The following FAF2 variants were observed in gnomAD, a reference collection of about 807,000 sequenced individuals.
FAF2 encodes FAS-associated factor 2.
FAF2 carries 9 observed loss-of-function variants against 62.3 expected under a neutral mutation model. The ratio of observed to expected loss-of-function variants is 0.14; its 90% confidence interval spans 0.09 to 0.25. The LOEUF (loss-of-function observed/expected upper bound fraction) is 0.25, where lower values mean the gene tolerates loss of function less well. Among genes scored for constraint, FAF2 ranks in the 10% least tolerant of loss-of-function variants. FAF2 has a pLI of 1.00. For missense variants in FAF2, 368 were observed against 556.2 expected, an observed-to-expected ratio of 0.66 and a Z score of 3.40; for synonymous variants, 202 against 198.0, an observed-to-expected ratio of 1.02 and a Z score of -0.17.
intron 2 of FAF2, among the ~76,000 whole-genome samples, chr5:176,484,288 A>C (rs1370243392): frequency 2.0e-5 from 3 of 152,172 alleles, no homozygotes; most frequent in African/African-American, 7.2e-5. Flanking sequence ...TATTAAGTGG[A>C]AGATTCCAGA....
rs1175238434 is a variant in FAF2 at position 176,499,991 on chromosome 5, G to C, written c.1012-12G>C. The C allele has an allele frequency of 1.8e-5, 29 of 1,613,790 alleles. No homozygotes were observed. The highest frequency in any genetic ancestry group is 2.4e-5 in the Non-Finnish European group (28 of 1,179,864). On this transcript the variant is annotated splice_polypyrimidine_tract_variant and intron_variant, in intron 9 of 10. Transcript: ENST00000261942. ...TGAGCTGTAGCCTCACCTTTGCTTT[G>C]TGTCTCTGCAGAATTTACAGGAGGA...
chr5:176,498,159 A>G (rs1755530881), intron 8 of FAF2, among the ~76,000 whole-genome samples: 1 of 152,196 alleles, frequency 6.6e-6, no homozygotes, highest in Non-Finnish European at 1.5e-5. Flanking sequence ...CAAGATCAAA[A>G]TCCTGTAAAT....
chr5:176,489,329 A>G (rs1213310390), intron 4 of FAF2, among the ~76,000 whole-genome samples: 1 of 128,806 alleles, frequency 7.8e-6, no homozygotes, highest in Admixed American at 8.4e-5. Context: ...TACACTTCCT[A>G]GTTGATGTCC....
chr5:176,480,880 C>G, intron 2 of FAF2, among the ~76,000 whole-genome samples: 1 of 151,846 alleles, frequency 6.6e-6, no homozygotes, highest in East Asian at 1.9e-4. Flanking sequence ...ATGGGTGCAG[C>G]AAACCACCAT....
At position 176,448,399 on chromosome 5, in the gene FAF2, G is replaced by A. The variant is rs1183926930; in HGVS notation, c.-9G>A. On this transcript the variant is annotated 5_prime_UTR_variant, in exon 1 of 11. Transcript: ENST00000261942. The stretch of plus-strand genomic sequence containing the variant: ...GCGGACGGGTCAGGAGCGTAGAGGC[G>A]GCGGCAAAATGGCGGCGCCTGAGGA... The A allele has an allele frequency of 6.2e-7, 1 of 1,604,326 alleles. No individual in the cohort carries two copies. The highest frequency in any genetic ancestry group is 1.7e-5 in the Admixed American group (1 of 58,378).
chr5:176,485,197 G>A (rs926986360), intron 2 of FAF2, among the ~76,000 whole-genome samples: 1 of 152,200 alleles, frequency 6.6e-6, no homozygotes, highest in Non-Finnish European at 1.5e-5. Context: ...ACATATCCCT[G>A]TGGATAAGAA....
chr5:176,498,285 A>G (rs1471393863), intron 8 of FAF2, among the ~76,000 whole-genome samples: 1 of 152,248 alleles, frequency 6.6e-6, no homozygotes, highest in Non-Finnish European at 1.5e-5. Flanking sequence ...ATCAAAATTC[A>G]TTGAATTGTA....
At chr5:176,478,364 A>C (rs1014160257) in intron 1 of FAF2, among the ~76,000 whole-genome samples, 3 of 152,164 alleles carry the variant, frequency 2.0e-5, no homozygotes, top group Admixed American at 6.6e-5. Flanking sequence ...CTGCAGTGCC[A>C]GCTACTCAGG....
intron 3 of FAF2, among the ~76,000 whole-genome samples, chr5:176,487,321 C>A (rs1044868161): frequency 2.0e-5 from 3 of 151,986 alleles, no homozygotes; most frequent in Non-Finnish European, 4.4e-5. Flanking sequence ...GTAGCTGGGA[C>A]TACAGGTGTG....
intron 5 of FAF2, 65 bp from the exon 6 acceptor site, chr5:176,493,934 C>G: frequency 2.7e-6 from 3 of 1,118,396 alleles, no homozygotes; most frequent in Non-Finnish European, 4.0e-6. Flanking sequence ...CATTAGGACC[C>G]TTAGCTTAAA....
intron 1 of FAF2, among the ~76,000 whole-genome samples, chr5:176,457,026 G>A (rs912725255): frequency 6.6e-6 from 1 of 151,992 alleles, no homozygotes; most frequent in East Asian, 1.9e-4. Context: ...TTCAGAGTGG[G>A]CTGGGCATCG....
At chr5:176,478,794 A>G (rs1758743402) in intron 1 of FAF2, among the ~76,000 whole-genome samples, 1 of 152,192 alleles carries the variant, frequency 6.6e-6, no homozygotes, top group South Asian at 2.1e-4. Context: ...GTTTCAAAAA[A>G]TGTTGGAGCA....
chr5:176,469,136 T>A (rs1160001785), intron 1 of FAF2, among the ~76,000 whole-genome samples: 1 of 152,008 alleles, frequency 6.6e-6, no homozygotes, highest in African/African-American at 2.4e-5. Flanking sequence ...TCCCAGCTAC[T>A]CGGGAGGCTG....
rs557441120 is a variant in FAF2, at chr5:176,481,396, G to A, written c.132+2140G>A. Among the ~76,000 whole-genome samples the A allele has an allele frequency of 9.2e-5, 14 of 152,114 alleles. No homozygotes were observed. The East Asian group carries it at 1.8e-3, about 19-fold the overall frequency. ...GGTTGGGCCGGGCGCGGTGGCTCAC[G>A]CCTGTAATCCCAGCACTTTGGGAGG... is the stretch of plus-strand genomic sequence containing the variant. On this transcript the variant is annotated intron_variant, in intron 2 of 10. Coordinates refer to ENST00000261942, the MANE Select transcript of FAF2 (RefSeq NM_014613.3).
At chr5:176,484,098 G>C (rs1444012840) in intron 2 of FAF2, among the ~76,000 whole-genome samples, 1 of 151,902 alleles carries the variant, frequency 6.6e-6, no homozygotes, top group South Asian at 2.1e-4. Flanking sequence ...AAGAAAAAAA[G>C]GGGGCAGAGT....
intron 2 of FAF2, among the ~76,000 whole-genome samples, chr5:176,482,126 A>T (rs1355073258): frequency 6.6e-6 from 1 of 151,868 alleles, no homozygotes; most frequent in Admixed American, 6.6e-5. Context: ...TCATATTCTT[A>T]TTGAACATTT....
chr5:176,479,065 C>G lies in FAF2; in HGVS notation c.64-123C>G. 3.9e-6 allele frequency: 3 copies of G among 767,552 alleles called. No homozygotes were observed. The East Asian group carries it at 7.6e-5, about 19-fold the overall frequency. 47.5% of individuals were successfully genotyped at this position (767,552 alleles called of 1,614,324 possible). A position where few individuals can be genotyped will look rare whatever the true frequency, so the allele number is the denominator to read the frequency against. On this transcript the variant is annotated intron_variant, in intron 1 of 10. Coordinates refer to ENST00000261942, the MANE Select transcript of FAF2 (RefSeq NM_014613.3). Reference sequence around the variant, plus strand: ...AAATTCTGAATCGGTGAAGTTTTACCATACTTTAACACTCACTTTTAACAT... The same window carrying G: ...AAATTCTGAATCGGTGAAGTTTTACGATACTTTAACACTCACTTTTAACAT...
Position 176,452,652 on chromosome 5 carries a change from A to C in FAF2, c.63+4182A>C, listed in dbSNP as rs1302653820. Among the ~76,000 whole-genome samples, 3 of 152,342 alleles carry C rather than the reference A, an allele frequency of 2.0e-5. No individual in the cohort carries two copies. The East Asian group carries it at 5.8e-4, about 29-fold the overall frequency. On this transcript the variant is annotated intron_variant, in intron 1 of 10. Coordinates refer to ENST00000261942, the MANE Select transcript of FAF2 (RefSeq NM_014613.3). ...CAAAGCTAAAGAAATAGCTTGCACA[A>C]GGTAGGGAGATGGGAAAGTGAAGTG... is the stretch of plus-strand genomic sequence containing the variant.
chr5:176,492,478 G>C, intron 5 of FAF2, 146 bp downstream of exon 5: 1 of 882,862 alleles, frequency 1.1e-6, no homozygotes, highest in East Asian at 3.0e-5. Flanking sequence ...TAATAAAAAA[G>C]ACCAAACCTT....
Sources: gnomAD v4.1 joint callset for allele counts (sites outside exome capture counted in the v4.1 genomes callset) on GRCh38, gnomAD v4.1.1 for gene constraint, MANE v1.5 for transcripts, NCBI Gene and HGNC (gene_info 2026-07-23, HGNC 2026-07-21) for gene names.